GCSAML: variants seen among roughly 807,000 people sequenced by gnomAD.
GCSAML encodes the protein germinal center-associated signaling and motility-like protein.
A neutral mutation model predicts 13.0 loss-of-function variants in GCSAML; 9 were observed. The ratio of observed to expected loss-of-function variants is 0.69; its 90% CI spans 0.42 to 1.21. GCSAML has a LOEUF of 1.21. Among genes scored for constraint, GCSAML ranks in the 50% most tolerant of loss-of-function variants. The pLI is 0.00. For synonymous variants in GCSAML, 37 were observed against 52.9 expected, an observed-to-expected ratio of 0.70 and a Z score of 1.31; for missense variants, 143 against 153.4, an observed-to-expected ratio of 0.93 and a Z score of 0.36.
intron 1 of GCSAML, among the ~76,000 whole-genome samples, chr1:247,523,219 CGTAATAATCAA>C (rs1346048483): frequency 6.6e-6 from 1 of 151,898 alleles, no homozygotes; most frequent in Non-Finnish European, 1.5e-5. Flanking sequence ...GTTACAGCAG[CGTAATAATCAA>C]GTAATAATCA....
upstream of GCSAML, among the ~76,000 whole-genome samples, chr1:247,545,053 G>A (rs1667521981): frequency 6.6e-6 from 1 of 152,184 alleles, no homozygotes; most frequent in Admixed American, 6.5e-5. Context: ...CCCATTTGGT[G>A]AAATGCTAGC....
chr1:247,507,567 G>C (rs1031729765), intron 1 of GCSAML, among the ~76,000 whole-genome samples: 2 of 152,102 alleles, frequency 1.3e-5, no homozygotes, highest in African/African-American at 4.8e-5. Context: ...TACACGTGCA[G>C]AAAGTGCAGG....
intron 1 of GCSAML, chr1:247,525,523 G>A (rs1199868618): frequency 6.6e-6 from 1 of 152,224 alleles, no homozygotes; most frequent in Non-Finnish European, 1.5e-5. Context: ...TATTGTAAAG[G>A]ATATCGCAAG....
At chr1:247,566,756 A>C (rs1329614312) in intron 4 of GCSAML, among the ~76,000 whole-genome samples, 1 of 151,956 alleles carries the variant, frequency 6.6e-6, no homozygotes, top group African/African-American at 2.4e-5. Context: ...ACCTCATAAA[A>C]ATTTTGTTGA....
intron 1 of GCSAML, among the ~76,000 whole-genome samples, chr1:247,512,899 A>G (rs1666088568): frequency 6.6e-6 from 1 of 152,116 alleles, no homozygotes. Context: ...GTCCCAGAGA[A>G]GCACCCACCA....
upstream of GCSAML, among the ~76,000 whole-genome samples, chr1:247,547,771 T>C (rs1210641966): frequency 6.6e-6 from 1 of 152,200 alleles, no homozygotes; most frequent in East Asian, 1.9e-4. Context: ...ACCTGGGAAC[T>C]TGTTAGAAAG....
chr1:247,532,841 C>A (rs1438477124), intron 2 of GCSAML, among the ~76,000 whole-genome samples: 1 of 145,210 alleles, frequency 6.9e-6, no homozygotes, highest in African/African-American at 2.6e-5. Context: ...ACCTTCCTCA[C>A]GGCCAACTTG....
intron 1 of GCSAML, chr1:247,524,889 C>G (rs528900498): frequency 4.6e-5 from 7 of 152,090 alleles, no homozygotes; most frequent in African/African-American, 1.2e-4. Flanking sequence ...AAGAAAAAAA[C>G]AATTTATTGA....
At chr1:247,557,590 C>CT (rs1377911731) in intron 2 of GCSAML, among the ~76,000 whole-genome samples, 1 of 152,130 alleles carries the variant, frequency 6.6e-6, no homozygotes, top group Non-Finnish European at 1.5e-5. Flanking sequence ...AGCCAGGTAT[C>CT]TGTTGGTGAT....
intron 1 of GCSAML, among the ~76,000 whole-genome samples, chr1:247,516,675 C>A (rs1666222236): frequency 1.3e-5 from 2 of 151,422 alleles, no homozygotes; most frequent in Admixed American, 1.3e-4. Context: ...CTCAAATGGA[C>A]ACATCCTGTA....
chr1:247,514,628 T>C (rs1175058875), intron 1 of GCSAML, among the ~76,000 whole-genome samples: 1 of 152,222 alleles, frequency 6.6e-6, no homozygotes, highest in Non-Finnish European at 1.5e-5. Context: ...CTTTGATCCA[T>C]CTTGAGTTTA....
intron 3 of GCSAML, 73 bp downstream of exon 3, chr1:247,563,712 T>C: frequency 1.3e-6 from 1 of 785,014 alleles, no homozygotes; most frequent in South Asian, 1.7e-5. Flanking sequence ...CAGACACTCT[T>C]GAGCCTATTG....
chr1:247,540,053 C>T (rs1480271659), intron 2 of GCSAML, among the ~76,000 whole-genome samples: 1 of 152,082 alleles, frequency 6.6e-6, no homozygotes, highest in South Asian at 2.1e-4. Flanking sequence ...TCTGCTGGTT[C>T]CTCTGCCTAG....
At position 247,556,453 on chromosome 1, in the gene GCSAML, G is replaced by A. The variant is rs1295794819; in HGVS notation, c.76G>A (p.Glu26Lys). The A allele has an allele frequency of 6.2e-7, 1 of 1,610,896 alleles. No homozygotes were observed. Among genetic ancestry groups the A allele is most frequent in the African/African-American group, 1.3e-5 (1 of 74,832 alleles). The part of the protein sequence containing the change: ...QKKPKKGNPD[E>K]ERKRQEMTTF... The stretch of plus-strand genomic sequence containing the variant: ...GAAGCCCAAGAAAGGAAACCCAGAT[G>A]AGGAAAGAAAACGGTAAGAACAGAG... Residue 26 changes from glutamate to lysine, a missense_variant, in exon 2 of 5, where the codon GAG becomes AAG. Physicochemically the swap from Glu to Lys is moderately conservative, Grantham distance 56. Coordinates refer to ENST00000366488, the MANE Select transcript of GCSAML (RefSeq NM_145278.5).
chr1:247,543,327 G>A (rs1667468185), intron 2 of GCSAML, among the ~76,000 whole-genome samples: 1 of 152,186 alleles, frequency 6.6e-6, no homozygotes, highest in Non-Finnish European at 1.5e-5. Flanking sequence ...TATTTTGAGA[G>A]AGACAGAACA....
upstream of GCSAML, among the ~76,000 whole-genome samples, chr1:247,547,707 C>T (rs528750022): frequency 5.9e-5 from 9 of 152,244 alleles, no homozygotes; most frequent in Admixed American, 2.6e-4. Context: ...ACAGCAATGG[C>T]GGAACACGCT....
At chr1:247,571,843 A>G (rs1424579341) in intron 4 of GCSAML, among the ~76,000 whole-genome samples, 1 of 152,088 alleles carries the variant, frequency 6.6e-6, no homozygotes, top group East Asian at 1.9e-4. Flanking sequence ...CACCAATCAA[A>G]TGTAGGTTTG....
At chr1:247,560,692 A>G (rs578165069) in intron 2 of GCSAML, among the ~76,000 whole-genome samples, 5 of 152,146 alleles carry the variant, frequency 3.3e-5, no homozygotes, top group Non-Finnish European at 7.3e-5. Context: ...CGGTGAAGTG[A>G]TTACCACTAT....
At chr1:247,530,311 A>C (rs940893447) in intron 2 of GCSAML, 6 of 152,196 alleles carry the variant, frequency 3.9e-5, no homozygotes, top group African/African-American at 1.4e-4. Context: ...TATTGATAGA[A>C]GTTCTTTAAC....
Sources: allele counts gnomAD v4.1 joint callset (sites outside exome capture counted in the v4.1 genomes callset), GRCh38; gene constraint gnomAD v4.1.1; transcripts MANE v1.5; gene names NCBI Gene and HGNC (gene_info 2026-07-23, HGNC 2026-07-21).